The following PPP2R5A variants were observed in gnomAD, a reference collection of about 807,000 sequenced individuals.
The protein encoded by PPP2R5A is serine/threonine-protein phosphatase 2A 56 kDa regulatory subunit alpha isoform.
PPP2R5A carries 25 observed loss-of-function variants against 64.2 expected under a neutral mutation model. That is an observed-to-expected ratio of 0.39 (90% CI 0.28 to 0.54). PPP2R5A has a LOEUF of 0.54. Among genes scored for constraint, PPP2R5A ranks in the 20% least tolerant of loss-of-function variants. The probability of loss-of-function intolerance (pLI) is 0.67; values close to 1 mark genes in which losing one functional copy is unlikely to be tolerated. For missense variants in PPP2R5A, 425 were observed against 576.3 expected (o/e 0.74, Z 2.69); for synonymous variants, 198 against 201.2 (o/e 0.98, Z 0.13).
chr1:212,319,400 G>A (rs1162016417), intron 1 of PPP2R5A: 1 of 152,188 alleles, frequency 6.6e-6, no homozygotes, highest in Non-Finnish European at 1.5e-5. Context: ...TGAGCAAGTT[G>A]TCACCGTAGG....
intron 8 of PPP2R5A, chr1:212,352,812 C>G (rs1462044209): frequency 1.2e-5 from 6 of 518,706 alleles, no homozygotes; most frequent in Non-Finnish European, 2.3e-5. Flanking sequence ...AAATAGCAAG[C>G]ATTTATGGCC....
chr1:212,294,614 T>C (rs576744679), intron 1 of PPP2R5A, among the ~76,000 whole-genome samples: 7 of 152,164 alleles, frequency 4.6e-5, no homozygotes, highest in Admixed American at 6.5e-5. Flanking sequence ...TGCATAAAAT[T>C]TTGGTGAACC....
chr1:212,312,942 A>G (rs1461224111), intron 1 of PPP2R5A, among the ~76,000 whole-genome samples: 1 of 152,236 alleles, frequency 6.6e-6, no homozygotes, highest in Non-Finnish European at 1.5e-5. Flanking sequence ...GATTTGTTAC[A>G]TAAATAGAAT....
In PPP2R5A at chr1:212,286,126, C is replaced by T. The variant is rs1558135638; in HGVS notation, c.16C>T (p.Pro6Ser). Residue 6 changes from proline (P) to serine (S), a missense_variant, in exon 1 of 13, where the codon CCG becomes TCG. By Grantham distance (74) the Pro-to-Ser change is moderately conservative. Transcript: ENST00000261461. MSSSS[P>S]PAGAASAAIS... ...GGCCGCGGAGATGTCGTCGTCGTCG[C>T]CGCCGGCGGGGGCTGCCAGCGCCGC... The T allele has an allele frequency of 3.2e-6, 5 of 1,579,470 alleles. No individual in the cohort carries two copies. The highest frequency in any genetic ancestry group is 4.3e-6 in the Non-Finnish European group (5 of 1,165,824).
intron 4 of PPP2R5A, among the ~76,000 whole-genome samples, chr1:212,343,719 T>C (rs1413201041): frequency 6.6e-6 from 1 of 152,210 alleles, no homozygotes; most frequent in Non-Finnish European, 1.5e-5. Context: ...TGAATGCCTG[T>C]TTATTTCCTT....
Position 212,345,936 on chromosome 1 carries a change from AAATT to A in PPP2R5A, c.704+7_704+10del. On this transcript the variant is annotated splice_donor_5th_base_variant and intron_variant, in intron 5 of 12. Coordinates refer to ENST00000261461, the MANE Select transcript of PPP2R5A (RefSeq NM_006243.4). ...CAAATTAACAACATTTTCCTCAGGT[AAATT>A]AATCATTTATTGTATATTGCACCTT... 1 of 1,585,768 alleles carries A rather than the reference AAATT, an allele frequency of 6.3e-7. No individual in the cohort carries two copies. The highest frequency in any genetic ancestry group is 1.1e-5 in the South Asian group (1 of 87,302).
intron 1 of PPP2R5A, chr1:212,301,851 A>C: frequency 7.8e-7 from 1 of 1,289,314 alleles, no homozygotes; most frequent in Non-Finnish European, 9.8e-7. Context: ...ATCCTATATG[A>C]GATCTTACTT....
At chr1:212,318,116 C>T (rs2102424387) in intron 1 of PPP2R5A, among the ~76,000 whole-genome samples, 1 of 152,340 alleles carries the variant, frequency 6.6e-6, no homozygotes, top group East Asian at 1.9e-4. Context: ...TATCTTGAGT[C>T]ACCCTTGGCC....
At chr1:212,303,530 A>C (rs1015414289) in intron 1 of PPP2R5A, among the ~76,000 whole-genome samples, 1 of 151,304 alleles carries the variant, frequency 6.6e-6, no homozygotes, top group Non-Finnish European at 1.5e-5. Context: ...TTTGAAGCGC[A>C]AATGTTTTAA....
Position 212,329,253 on chromosome 1 carries a change from A to G in PPP2R5A, c.300A>G (p.Thr100=). Residue 100 remains threonine, a synonymous_variant, in exon 2 of 13, where the codon ACA becomes ACG. Transcript: ENST00000261461. The stretch of plus-strand genomic sequence containing the variant: ...AGAGCAAAGAAATTAAAAGAGCAAC[A>G]CTGAATGAACTGGTTGAGTATGTTT... ...DLKSKEIKRA[T]LNELVEYVST... is the part of the protein sequence containing the mutation. The G allele has an allele frequency of 6.2e-7, 1 of 1,613,100 alleles. No individual in the cohort carries two copies. The highest frequency in any genetic ancestry group is 8.5e-7 in the Non-Finnish European group (1 of 1,179,706).
chr1:212,329,594 A>G (rs1007190398), intron 2 of PPP2R5A, among the ~76,000 whole-genome samples: 1 of 152,190 alleles, frequency 6.6e-6, no homozygotes, highest in Non-Finnish European at 1.5e-5. Flanking sequence ...GGGATTATAC[A>G]GATTGATAGG....
At chr1:212,343,134 G>A (rs1659714539) in intron 4 of PPP2R5A, among the ~76,000 whole-genome samples, 1 of 151,718 alleles carries the variant, frequency 6.6e-6, no homozygotes, top group Admixed American at 6.6e-5. Flanking sequence ...TCTATTTCTA[G>A]TAGAGACGGG....
chr1:212,320,421 C>T (rs947820199), intron 1 of PPP2R5A, among the ~76,000 whole-genome samples: 1 of 152,178 alleles, frequency 6.6e-6, no homozygotes, highest in Non-Finnish European at 1.5e-5. Context: ...TCCACAAAAC[C>T]GCCATTGTCA....
chr1:212,341,590 T>C (rs927192641), intron 3 of PPP2R5A, among the ~76,000 whole-genome samples: 4 of 152,176 alleles, frequency 2.6e-5, no homozygotes, highest in African/African-American at 7.2e-5. Flanking sequence ...TTAAGAAATA[T>C]TTAATTTTAT....
intron 1 of PPP2R5A, among the ~76,000 whole-genome samples, chr1:212,322,629 T>A (rs1387661030): frequency 6.6e-6 from 1 of 152,290 alleles, no homozygotes; most frequent in Middle Eastern, 3.4e-3. Context: ...CATTTAACCG[T>A]TTACAGTATG....
chr1:212,342,025 A>AT (rs1289230407), intron 3 of PPP2R5A, among the ~76,000 whole-genome samples, 163 bp from the exon 4 acceptor site: 1 of 152,116 alleles, frequency 6.6e-6, no homozygotes, highest in South Asian at 2.1e-4. Flanking sequence ...ACAGGTGTGA[A>AT]TTTTTAAAAA....
chr1:212,323,187 T>C (rs976068924), intron 1 of PPP2R5A, among the ~76,000 whole-genome samples: 1 of 152,258 alleles, frequency 6.6e-6, no homozygotes, highest in African/African-American at 2.4e-5. Flanking sequence ...ATATATGTGG[T>C]AAATATATAC....
In PPP2R5A at chr1:212,342,291, CTT is replaced by C. The variant is rs761463568; in HGVS notation, c.573+14_573+15del. 2.5e-6 allele frequency: 4 copies of C among 1,609,628 alleles called. No homozygotes were observed. The highest frequency in any genetic ancestry group is 2.2e-5 in the South Asian group (2 of 90,180). ...AAATTCGTACAACAGGTAAGGAACT[CTT>C]TTGTCTTAGATTCTCATATATTCAT... On this transcript the variant is annotated intron_variant, in intron 4 of 12. Coordinates refer to ENST00000261461, the MANE Select transcript of PPP2R5A (RefSeq NM_006243.4).
At chr1:212,332,647 T>C (rs1009092515) in intron 2 of PPP2R5A, among the ~76,000 whole-genome samples, 11 of 152,168 alleles carry the variant, frequency 7.2e-5, no homozygotes, top group Admixed American at 5.9e-4. Flanking sequence ...CACATTTATA[T>C]TAACAGTGAA....
Sources: allele counts gnomAD v4.1 joint callset (sites outside exome capture counted in the v4.1 genomes callset), GRCh38; gene constraint gnomAD v4.1.1; transcripts MANE v1.5; gene names NCBI Gene and HGNC (gene_info 2026-07-23, HGNC 2026-07-21).